NCAM2: variants seen among roughly 807,000 people sequenced by gnomAD.
NCAM2 encodes N-CAM-2.
NCAM2 carries 30 observed loss-of-function variants against 98.1 expected under a neutral mutation model. That is an observed-to-expected ratio of 0.31 (90% CI 0.23 to 0.41). NCAM2 has a LOEUF of 0.41. NCAM2 is among the 10% of genes least tolerant of loss of function. NCAM2 has a pLI of 1.00. For synonymous variants in NCAM2, 368 were observed against 342.4 expected (o/e 1.07, Z -0.83); for missense variants, 867 against 1,005.8 (o/e 0.86, Z 1.87).
chr21:21,172,227 T>C (rs1305904888), intron 1 of NCAM2, among the ~76,000 whole-genome samples: 2 of 152,038 alleles, frequency 1.3e-5, no homozygotes, highest in Non-Finnish European at 2.9e-5. Context: ...GATTTTCACA[T>C]ACTGGAACCT....
At chr21:21,388,598 G>A (rs908316511) in intron 9 of NCAM2, among the ~76,000 whole-genome samples, 4 of 152,116 alleles carry the variant, frequency 2.6e-5, no homozygotes, top group African/African-American at 9.7e-5. Context: ...ATATGGCTAT[G>A]GAGCACTGGA....
intron 8 of NCAM2, among the ~76,000 whole-genome samples, chr21:21,342,687 T>G (rs185070193): frequency 1.8e-4 from 28 of 152,262 alleles, no homozygotes; most frequent in Admixed American, 3.3e-4. Context: ...AATTATAAGG[T>G]CGCCCAAATC....
chr21:21,465,664 A>G (rs2146209256), intron 12 of NCAM2, among the ~76,000 whole-genome samples: 1 of 152,094 alleles, frequency 6.6e-6, no homozygotes, highest in South Asian at 2.1e-4. Flanking sequence ...AATCTTAATT[A>G]CCTATGATTT....
rs1378532288 is a variant in NCAM2, at chr21:21,516,936, C to T, written c.2282+7881C>T. ...CTCTTTCTTTATGTATAATTTATCCCATAACTCCAAATATCACCTCTACAT... is the reference window on the plus strand; with the variant it reads ...CTCTTTCTTTATGTATAATTTATCCTATAACTCCAAATATCACCTCTACAT... On this transcript the variant is annotated intron_variant, in intron 16 of 17. Transcript: ENST00000400546. Among the ~76,000 whole-genome samples the T allele has an allele frequency of 2.6e-5, 4 of 152,082 alleles. No individual in the cohort carries two copies. The East Asian group carries it at 5.8e-4, about 22-fold the overall frequency.
At chr21:21,215,855 A>C (rs558693169) in intron 1 of NCAM2, among the ~76,000 whole-genome samples, 2 of 152,338 alleles carry the variant, frequency 1.3e-5, no homozygotes, top group Non-Finnish European at 2.9e-5. Flanking sequence ...GAAAAGAAAC[A>C]ATATTGTTTA....
At chr21:21,360,856 C>T (rs1180710569) in intron 8 of NCAM2, among the ~76,000 whole-genome samples, 1 of 151,998 alleles carries the variant, frequency 6.6e-6, no homozygotes, top group Non-Finnish European at 1.5e-5. Flanking sequence ...TAAATTCTTT[C>T]TGCTGCCTAG....
intron 1 of NCAM2, among the ~76,000 whole-genome samples, chr21:21,184,091 G>C (rs150895712): frequency 6.6e-6 from 1 of 152,002 alleles, no homozygotes; most frequent in Non-Finnish European, 1.5e-5. Context: ...ATTACTTGGG[G>C]AATGTGTTTG....
intron 1 of NCAM2, among the ~76,000 whole-genome samples, chr21:21,118,125 C>G (rs2066600420): frequency 6.6e-6 from 1 of 152,174 alleles, no homozygotes; most frequent in South Asian, 2.1e-4. Flanking sequence ...CCTAGACTCT[C>G]AGCAACAAAT....
At chr21:21,424,659 G>T (rs1206788997) in intron 11 of NCAM2, among the ~76,000 whole-genome samples, 1 of 152,128 alleles carries the variant, frequency 6.6e-6, no homozygotes, top group Non-Finnish European at 1.5e-5. Context: ...AAGACTGGAA[G>T]GGTATATTGT....
chr21:21,327,432 T>A (rs1568937834), intron 6 of NCAM2, among the ~76,000 whole-genome samples: 1 of 152,138 alleles, frequency 6.6e-6, no homozygotes, highest in Non-Finnish European at 1.5e-5. Flanking sequence ...GAGTTCTGGT[T>A]ATCTTCCTCC....
intron 1 of NCAM2, among the ~76,000 whole-genome samples, chr21:21,002,134 A>G (rs1017573903): frequency 1.3e-5 from 2 of 152,164 alleles, no homozygotes; most frequent in African/African-American, 4.8e-5. Context: ...GTAAAGGCTA[A>G]TGTAAATTAA....
chr21:21,153,008 A>C (rs1387967462), intron 1 of NCAM2, among the ~76,000 whole-genome samples: 1 of 151,954 alleles, frequency 6.6e-6, no homozygotes, highest in Non-Finnish European at 1.5e-5. Flanking sequence ...GAAGAAAGTC[A>C]GGGTGATCTA....
At chr21:21,484,207 T>C (rs1216541145) in intron 15 of NCAM2, among the ~76,000 whole-genome samples, 2 of 152,210 alleles carry the variant, frequency 1.3e-5, no homozygotes, top group African/African-American at 4.8e-5. Context: ...CTTTGTATGT[T>C]TTTAATATGT....
At chr21:21,108,710 G>C (rs1047489095) in intron 1 of NCAM2, among the ~76,000 whole-genome samples, 3 of 152,012 alleles carry the variant, frequency 2.0e-5, no homozygotes, top group Admixed American at 2.0e-4. Flanking sequence ...TTAGAATAAG[G>C]ACATTTCTAC....
At chr21:21,280,208 A>G (rs2072878546) in intron 1 of NCAM2, among the ~76,000 whole-genome samples, 1 of 152,064 alleles carries the variant, frequency 6.6e-6, no homozygotes, top group Non-Finnish European at 1.5e-5. Context: ...TAATGATAAT[A>G]TAGGATTTAT....
chr21:20,998,760 C>A, intron 1 of NCAM2, 142 bp downstream of exon 1: 1 of 843,572 alleles, frequency 1.2e-6, no homozygotes, highest in Non-Finnish European at 1.9e-6. Flanking sequence ...TATTTTCGTT[C>A]TTTCTCCTAG....
At chr21:21,220,816 G>A (rs987079776) in intron 1 of NCAM2, among the ~76,000 whole-genome samples, 1 of 152,170 alleles carries the variant, frequency 6.6e-6, no homozygotes, top group Non-Finnish European at 1.5e-5. Flanking sequence ...GGTACACAAA[G>A]CATACTTTGC....
In NCAM2 at chr21:21,030,259, A is replaced by G. The variant is rs554607475; in HGVS notation, c.55+31641A>G. 1.7e-4 allele frequency among the ~76,000 whole-genome samples: 26 copies of G among 152,318 alleles called. No individual in the cohort carries two copies. In the East Asian group the frequency reaches 4.6e-3, roughly 27 times the overall value. On this transcript the variant is annotated intron_variant, in intron 1 of 17. Transcript: ENST00000400546. Reference sequence around the variant, plus strand: ...ACACATTTTACAGATGATGAAAGCAATTCTCAGAAATTTTGTGACTTAGTT... The same window carrying G: ...ACACATTTTACAGATGATGAAAGCAGTTCTCAGAAATTTTGTGACTTAGTT...
At chr21:21,088,267 T>C (rs2065941682) in intron 1 of NCAM2, among the ~76,000 whole-genome samples, 1 of 152,172 alleles carries the variant, frequency 6.6e-6, no homozygotes, top group South Asian at 2.1e-4. Flanking sequence ...TAATAAAAAT[T>C]GAAATAATGC....
Sources: gnomAD v4.1 joint callset for allele counts (sites outside exome capture counted in the v4.1 genomes callset) on GRCh38, gnomAD v4.1.1 for gene constraint, MANE v1.5 for transcripts, NCBI Gene and HGNC (gene_info 2026-07-23, HGNC 2026-07-21) for gene names.